The following SULT2B1 variants were observed in gnomAD, a reference collection of about 807,000 sequenced individuals.
The protein encoded by SULT2B1 is sulfotransferase 2B1.
SULT2B1 carries 16 observed loss-of-function variants against 33.2 expected under a neutral mutation model. The observed-to-expected ratio is 0.48, with a 90% CI of 0.33 to 0.73. The LOEUF (loss-of-function observed/expected upper bound fraction) is 0.73. SULT2B1 is among the 30% of genes least tolerant of loss of function. The pLI is 0.02. For missense variants in SULT2B1, 500 were observed against 506.0 expected (o/e 0.99, Z 0.11); for synonymous variants, 186 against 200.5 (o/e 0.93, Z 0.61).
intron 3 of SULT2B1, among the ~76,000 whole-genome samples, chr19:48,589,294 G>A (rs10401347): frequency 0.57 from 85,706 of 150,044 alleles, 24,894 homozygotes; most frequent in East Asian, 0.68. Context: ...AACTGTCAGG[G>A]TGGGGCAACT....
intron 5 of SULT2B1, 108 bp from the exon 6 acceptor site, chr19:48,596,631 G>A (rs534789300): frequency 3.1e-5 from 37 of 1,196,796 alleles, no homozygotes; most frequent in African/African-American, 7.7e-5. Flanking sequence ...AAGAGGCAGC[G>A]TCCCTCAGGC....
intron 1 of SULT2B1, among the ~76,000 whole-genome samples, chr19:48,559,843 A>G (rs937367834): frequency 3.3e-5 from 5 of 151,724 alleles, no homozygotes; most frequent in Admixed American, 2.6e-4. Context: ...TGCAGGGGCC[A>G]GGTGCCACAG....
chr19:48,565,242 T>G (rs921643275), intron 1 of SULT2B1, among the ~76,000 whole-genome samples: 8 of 152,016 alleles, frequency 5.3e-5, no homozygotes, highest in Non-Finnish European at 8.8e-5. Context: ...TTACTTTTGA[T>G]GCATTTCAAA....
At chr19:48,591,364 A>C in intron 3 of SULT2B1, 1 of 345,690 alleles carries the variant, frequency 2.9e-6, no homozygotes. Context: ...CCAGCTACTC[A>C]GGAGGCTGAC....
chr19:48,597,673 C>T (rs1213372377), intron 6 of SULT2B1, among the ~76,000 whole-genome samples: 1 of 47,668 alleles, frequency 2.1e-5, no homozygotes, highest in Non-Finnish European at 4.0e-5. Flanking sequence ...GACGGAGTTT[C>T]ACTCTTGTTG....
At chr19:48,582,744 G>A (rs2147618103) in intron 2 of SULT2B1, among the ~76,000 whole-genome samples, 1 of 152,232 alleles carries the variant, frequency 6.6e-6, no homozygotes, top group East Asian at 1.9e-4. Flanking sequence ...TCGGAAGGCT[G>A]AGGCATGAGA....
At position 48,554,439 on chromosome 19, in the gene SULT2B1, C is replaced by G. The variant is rs1435074903; in HGVS notation, c.71+2116C>G. The stretch of plus-strand genomic sequence containing the variant: ...CCCCAGCCTGTCAGTCCCCAACCCC[C>G]ACCCCTGTCCCCTGACTCTCTGCCC... On this transcript the variant is annotated intron_variant, in intron 1 of 6. Coordinates refer to ENST00000201586, the MANE Select transcript of SULT2B1 (RefSeq NM_177973.2). Among the ~76,000 whole-genome samples, 4 of 145,022 alleles carry G rather than the reference C, an allele frequency of 2.8e-5. 1 individual carries two copies. In the South Asian group the frequency reaches 9.5e-4, roughly 34 times the overall value.
At chr19:48,588,872 T>G (rs1601109005) in intron 3 of SULT2B1, among the ~76,000 whole-genome samples, 1 of 150,220 alleles carries the variant, frequency 6.7e-6, no homozygotes. Flanking sequence ...AAGAGGGAGG[T>G]CGGTGTGGCC....
chr19:48,569,361 A>AAAATATATATAT (rs1568405757), intron 1 of SULT2B1, among the ~76,000 whole-genome samples: 2 of 9,966 alleles, frequency 2.0e-4, no homozygotes, highest in East Asian at 1.8e-3. Context: ...AAAAAAAAAA[A>AAAATATATATAT]ACATATATAT....
chr19:48,553,466 C>A (rs549969225), intron 1 of SULT2B1, among the ~76,000 whole-genome samples: 7 of 152,272 alleles, frequency 4.6e-5, no homozygotes, highest in Admixed American at 1.3e-4. Flanking sequence ...CGCCACCATG[C>A]CCGGCTAATT....
chr19:48,554,726 C>T (rs112483176), intron 1 of SULT2B1, among the ~76,000 whole-genome samples: 2 of 129,240 alleles, frequency 1.5e-5, no homozygotes, highest in Non-Finnish European at 3.1e-5. Context: ...CACAGTGGAA[C>T]GATCTCGGCT....
chr19:48,563,888 A>G (rs1973210167), intron 1 of SULT2B1, among the ~76,000 whole-genome samples: 2 of 150,498 alleles, frequency 1.3e-5, no homozygotes, highest in South Asian at 4.2e-4. Context: ...TCGTTTGAAC[A>G]TGGGAGGCAA....
chr19:48,570,308 A>G (rs1437120763), intron 1 of SULT2B1, among the ~76,000 whole-genome samples: 2 of 150,858 alleles, frequency 1.3e-5, no homozygotes, highest in Admixed American at 6.6e-5. Flanking sequence ...GCCTCCCAAA[A>G]AGCTGGGATT....
At chr19:48,562,751 C>T (rs1973198346) in intron 1 of SULT2B1, among the ~76,000 whole-genome samples, 1 of 152,060 alleles carries the variant, frequency 6.6e-6, no homozygotes, top group South Asian at 2.1e-4. Context: ...GCGATCTCAG[C>T]TCATTGCAAC....
chr19:48,581,737 G>A lies in SULT2B1; in HGVS notation c.215-5492G>A, dbSNP rs188349853. On this transcript the variant is annotated intron_variant, in intron 2 of 6. Transcript: ENST00000201586. ...CTCCCAAAGTGCTGGGATTACAGGCGTGAGCCACCGTGCCCGGCCGAGAGT... is the reference window on the plus strand; with the variant it reads ...CTCCCAAAGTGCTGGGATTACAGGCATGAGCCACCGTGCCCGGCCGAGAGT... 1.6e-3 allele frequency among the ~76,000 whole-genome samples: 245 copies of A among 151,544 alleles called. 2 individuals carry two copies. The highest frequency in any genetic ancestry group is 5.2e-3 in the African/African-American group (214 of 41,356).
At chr19:48,592,539 G>A (rs527959152) in intron 4 of SULT2B1, among the ~76,000 whole-genome samples, 183 bp from the exon 5 acceptor site, 2 of 152,282 alleles carry the variant, frequency 1.3e-5, no homozygotes, top group Non-Finnish European at 1.5e-5. Flanking sequence ...GGCAACCAGG[G>A]GAGAAGCAGG....
chr19:48,580,299 C>T (rs1272409982), intron 2 of SULT2B1, among the ~76,000 whole-genome samples: 1 of 151,982 alleles, frequency 6.6e-6, no homozygotes, highest in Non-Finnish European at 1.5e-5. Flanking sequence ...CTCACTGTTG[C>T]CCAGGCTGGA....
intron 2 of SULT2B1, among the ~76,000 whole-genome samples, chr19:48,581,480 T>TTTTTTG (rs1470488474): frequency 1.4e-5 from 2 of 146,342 alleles, no homozygotes; most frequent in African/African-American, 5.1e-5. Context: ...GAGTTTTTTT[T>TTTTTTG]TTTTTTTTGA....
At position 48,555,590 on chromosome 19, in the gene SULT2B1, T is replaced by C. The variant is rs562818431; in HGVS notation, c.71+3267T>C. Among the ~76,000 whole-genome samples, 153 of 96,460 alleles carry C rather than the reference T, an allele frequency of 1.6e-3. 2 individuals carry two copies. Among genetic ancestry groups the C allele is most frequent in the African/African-American group, 6.3e-3 (133 of 21,152 alleles). 63.3% of individuals were successfully genotyped at this position (96,460 alleles called of 152,430 possible). A position where few individuals can be genotyped will look rare whatever the true frequency, so the allele number is the denominator to read the frequency against. ...TCTCTCTCTCTCTCTCTCTCTCTCTTTTGAGACAGAGCCTTGCTCTGTGGC... is the reference window on the plus strand; with the variant it reads ...TCTCTCTCTCTCTCTCTCTCTCTCTCTTGAGACAGAGCCTTGCTCTGTGGC... On this transcript the variant is annotated intron_variant, in intron 1 of 6. Coordinates refer to ENST00000201586, the MANE Select transcript of SULT2B1 (RefSeq NM_177973.2).
Sources: allele counts gnomAD v4.1 joint callset (sites outside exome capture counted in the v4.1 genomes callset), GRCh38; gene constraint gnomAD v4.1.1; transcripts MANE v1.5; gene names NCBI Gene and HGNC (gene_info 2026-07-23, HGNC 2026-07-21).